Variants in TUSC3 observed in about 807,000 individuals in gnomAD.
TUSC3 encodes tumor suppressor candidate 3, also known as dolichyl-diphosphooligosaccharide--protein glycosyltransferase subunit TUSC3.
Under a neutral mutation model 44.8 loss-of-function variants are expected in TUSC3, and 45 were observed. That is an observed-to-expected ratio of 1.00 (90% CI 0.79 to 1.29). TUSC3 has a LOEUF of 1.29. Among genes scored for constraint, TUSC3 ranks in the 50% most tolerant of loss-of-function variants. The pLI is 0.00. For synonymous variants in TUSC3, 212 were observed against 152.9 expected, an observed-to-expected ratio of 1.39 and a Z score of -2.85; for missense variants, 519 against 437.9, an observed-to-expected ratio of 1.19 and a Z score of -1.65.
intron 6 of TUSC3, among the ~76,000 whole-genome samples, chr8:15,700,055 T>C (rs1232095037): frequency 1.3e-5 from 2 of 152,174 alleles, no homozygotes; most frequent in Non-Finnish European, 2.9e-5. Context: ...TTAAATACCC[T>C]GTCCTGTGTG....
At chr8:15,493,429 C>A (rs188764025) in intron 2 of TUSC3, among the ~76,000 whole-genome samples, 1 of 152,106 alleles carries the variant, frequency 6.6e-6, no homozygotes, top group African/African-American at 2.4e-5. Flanking sequence ...TGCCTGGCTA[C>A]TTTTTGTATT....
At chr8:15,632,565 A>G (rs908106680) in intron 2 of TUSC3, among the ~76,000 whole-genome samples, 1 of 152,188 alleles carries the variant, frequency 6.6e-6, no homozygotes, top group East Asian at 1.9e-4. Context: ...AGGGAGATCA[A>G]TTGAATATCC....
chr8:15,665,538 G>A (rs1585207971), intron 5 of TUSC3, among the ~76,000 whole-genome samples: 1 of 151,094 alleles, frequency 6.6e-6, no homozygotes, highest in Admixed American at 6.6e-5. Context: ...AGAAGTGTAT[G>A]CTGAGGGAGT....
At chr8:15,669,975 A>G (rs1807870159) in intron 5 of TUSC3, among the ~76,000 whole-genome samples, 1 of 148,152 alleles carries the variant, frequency 6.7e-6, no homozygotes, top group Non-Finnish European at 1.5e-5. Flanking sequence ...AATAATGATG[A>G]TTCATGTCAT....
the TUSC3 span, among the ~76,000 whole-genome samples, chr8:15,790,506 C>CTTGTACT: frequency 6.6e-6 from 1 of 152,010 alleles, no homozygotes; most frequent in Non-Finnish European, 1.5e-5. Flanking sequence ...TGTAAACTGT[C>CTTGTACT]ATGGTGCCGA....
In TUSC3 at chr8:15,523,708, GTATATA is replaced by G. The variant is rs71211051; in HGVS notation, n.189+40238_189+40243del. The stretch of plus-strand genomic sequence containing the variant: ...TGTGTGTGTGTGTGTGTGTGTGTGT[GTATATA>G]TATATATATATAAAGTAGTTCTTAG... On this transcript the variant is annotated intron_variant and non_coding_transcript_variant, in intron 2 of 5. Coordinates refer to the TUSC3 transcript ENST00000503191. Among the ~76,000 whole-genome samples the G allele has an allele frequency of 3.6e-5, 4 of 112,498 alleles. 1 individual carries two copies. The highest frequency in any genetic ancestry group is 3.2e-4 in the South Asian group (1 of 3,122). 73.8% of individuals were successfully genotyped at this position (112,498 alleles called of 152,430 possible).
the TUSC3 span, among the ~76,000 whole-genome samples, chr8:15,794,212 C>G: frequency 1.3e-5 from 2 of 152,196 alleles, no homozygotes; most frequent in Admixed American, 6.5e-5. Flanking sequence ...ACACTCTCTT[C>G]TTGGTCGTTT....
the TUSC3 span, among the ~76,000 whole-genome samples, chr8:15,836,154 G>C: frequency 7.0e-6 from 1 of 142,320 alleles, no homozygotes; most frequent in Admixed American, 7.2e-5. Flanking sequence ...ATTTTTTTTT[G>C]TTTTCAAAAT....
At chr8:15,707,284 G>T (rs929848460) in intron 6 of TUSC3, among the ~76,000 whole-genome samples, 1 of 151,948 alleles carries the variant, frequency 6.6e-6, no homozygotes, top group African/African-American at 2.4e-5. Context: ...CTGAAATGTG[G>T]TTATGTTGGA....
chr8:15,804,055 G>A, the TUSC3 span, among the ~76,000 whole-genome samples: 1 of 152,088 alleles, frequency 6.6e-6, no homozygotes, highest in Admixed American at 6.5e-5. Context: ...AATCCTTTGG[G>A]TATATATTCA....
At chr8:15,484,631 A>G (rs552502734) in intron 2 of TUSC3, among the ~76,000 whole-genome samples, 34 of 152,214 alleles carry the variant, frequency 2.2e-4, no homozygotes, top group Non-Finnish European at 4.1e-4. Context: ...ACAAAATACA[A>G]TTTGGCAATA....
intron 1 of TUSC3, among the ~76,000 whole-genome samples, chr8:15,607,991 C>T (rs1804606905): frequency 6.6e-6 from 1 of 152,138 alleles, no homozygotes; most frequent in African/African-American, 2.4e-5. Context: ...TGCAGTGATA[C>T]AGCAAGTGCA....
chr8:15,523,684 G>GTATATATA lies in TUSC3; in HGVS notation n.189+40202_189+40203insATATATAT, dbSNP rs1416555276. On this transcript the variant is annotated intron_variant and non_coding_transcript_variant, in intron 2 of 5. Transcript: ENST00000503191. ...TATATATGTGTGTGTGTGTGTGTGT[G>GTATATATA]TGTGTGTGTGTGTGTGTGTGTGTGT... 6.4e-4 allele frequency among the ~76,000 whole-genome samples: 26 copies of GTATATATA among 40,552 alleles called. 2 individuals carry two copies. Among genetic ancestry groups the GTATATATA allele is most frequent in the Middle Eastern group, 0.012 (1 of 82 alleles). The allele number at this position is 40,552 out of a possible 152,430, so 26.6% of individuals were successfully genotyped here.
chr8:15,623,810 A>G (rs985121051), intron 2 of TUSC3, among the ~76,000 whole-genome samples: 1 of 152,186 alleles, frequency 6.6e-6, no homozygotes, highest in African/African-American at 2.4e-5. Context: ...GTAGGTACAC[A>G]TCTTTTACCC....
intron 1 of TUSC3, among the ~76,000 whole-genome samples, chr8:15,609,763 C>A (rs1161852877): frequency 1.4e-5 from 2 of 143,578 alleles, no homozygotes; most frequent in African/African-American, 2.6e-5. Context: ...TAAAAAAAAA[C>A]ATGTTTTCAC....
chr8:15,823,144 TA>T, the TUSC3 span, among the ~76,000 whole-genome samples: 2 of 152,192 alleles, frequency 1.3e-5, no homozygotes, highest in Non-Finnish European at 2.9e-5. Context: ...ATCAGTCTTT[TA>T]AAAGTTAGTT....
intron 1 of TUSC3, among the ~76,000 whole-genome samples, chr8:15,543,920 G>A (rs979748622): frequency 6.6e-6 from 1 of 151,732 alleles, no homozygotes; most frequent in Admixed American, 6.6e-5. Flanking sequence ...TTGTGTGTGT[G>A]TGTGTGTGTG....
chr8:15,718,262 G>C (rs944015588), intron 6 of TUSC3, among the ~76,000 whole-genome samples: 2 of 152,098 alleles, frequency 1.3e-5, no homozygotes, highest in Non-Finnish European at 2.9e-5. Context: ...CAAAGTAATA[G>C]AAAAGTGGCA....
chr8:15,428,234 C>G (rs1443661635), intron 1 of TUSC3, among the ~76,000 whole-genome samples: 1 of 149,402 alleles, frequency 6.7e-6, no homozygotes, highest in Non-Finnish European at 1.5e-5. Flanking sequence ...GTTTTTTGTC[C>G]TCACGATACT....
Sources: gnomAD v4.1 joint callset for allele counts (sites outside exome capture counted in the v4.1 genomes callset) on GRCh38, gnomAD v4.1.1 for gene constraint, MANE v1.5 for transcripts, NCBI Gene and HGNC (gene_info 2026-07-23, HGNC 2026-07-21) for gene names.